Variants in GOLGA8A observed in about 807,000 individuals in gnomAD.
GOLGA8A encodes the protein golgin A8 family member A, also known as golgin subfamily A member 8A.
In GOLGA8A, 3 loss-of-function variants were observed where a neutral mutation model predicts 22.1. The observed-to-expected ratio is 0.14, with a 90% CI of 0.06 to 0.35. The LOEUF (loss-of-function observed/expected upper bound fraction) is 0.35. Ranked by LOEUF, GOLGA8A falls within the 10% of genes least tolerant of loss-of-function variation. The pLI is 1.00. For missense variants in GOLGA8A, 16 were observed against 233.2 expected, an observed-to-expected ratio of 0.07 and a Z score of 6.07; for synonymous variants, 7 against 91.7, an observed-to-expected ratio of 0.08 and a Z score of 5.28.
intron 2 of GOLGA8A, among the ~76,000 whole-genome samples, chr15:34,429,905 T>A (rs1014024996): frequency 2.7e-5 from 4 of 147,750 alleles, no homozygotes; most frequent in Non-Finnish European, 3.0e-5. Flanking sequence ...ACTATTAGAT[T>A]AAGCCACCCT....
intron 1 of GOLGA8A, among the ~76,000 whole-genome samples, chr15:34,435,990 G>A (rs1248209082): frequency 6.7e-6 from 1 of 149,294 alleles, no homozygotes; most frequent in Non-Finnish European, 1.5e-5. Context: ...CTCCAGCCCA[G>A]GCTGTGGGGG....
chr15:34,431,041 C>T (rs1430081376), intron 2 of GOLGA8A, among the ~76,000 whole-genome samples: 1 of 148,770 alleles, frequency 6.7e-6, no homozygotes, highest in Admixed American at 6.8e-5. Context: ...AATGCACACA[C>T]TTGCTTCCAG....
intron 8 of GOLGA8A, among the ~76,000 whole-genome samples, chr15:34,397,064 C>T (rs1242258876): frequency 3.1e-5 from 2 of 65,322 alleles, no homozygotes; most frequent in Non-Finnish European, 6.5e-5. Flanking sequence ...GTGATCCTCC[C>T]ACCTCAGCCT....
Position 34,435,957 on chromosome 15 carries a change from G to A in GOLGA8A, c.-1211-486C>T, listed in dbSNP as rs1037608334. On this transcript the variant is annotated intron_variant, in intron 1 of 24. Transcript: ENST00000359187. ...TGTCACCCCAGCCCTCCTGCCCCGC[G>A]GATCCTAAGCTCAGGAGACCCTCTC... is the stretch of plus-strand genomic sequence containing the variant. Among the ~76,000 whole-genome samples, 4 of 149,066 alleles carry A rather than the reference G, an allele frequency of 2.7e-5. 1 individual carries two copies. In the South Asian group the frequency reaches 6.5e-4, roughly 24 times the overall value.
intron 2 of GOLGA8A, among the ~76,000 whole-genome samples, chr15:34,432,178 C>T (rs1482823148): frequency 1.3e-5 from 2 of 149,204 alleles, no homozygotes; most frequent in African/African-American, 4.9e-5. Flanking sequence ...TCCTGGAGGG[C>T]TAGCTCCCAG....
At chr15:34,424,510 T>A (rs1336382183) in intron 2 of GOLGA8A, among the ~76,000 whole-genome samples, 2 of 146,474 alleles carry the variant, frequency 1.4e-5, no homozygotes, top group Non-Finnish European at 3.0e-5. Flanking sequence ...GTCCACAAAT[T>A]TAAAAGGCAA....
Position 34,427,339 on chromosome 15 carries a change from A to G in GOLGA8A, c.-1123+8044T>C, listed in dbSNP as rs1893028968. 1.4e-5 allele frequency among the ~76,000 whole-genome samples: 2 copies of G among 147,416 alleles called. 1 individual carries two copies. Among genetic ancestry groups the G allele is most frequent in the East Asian group, 4.0e-4 (2 of 5,054 alleles). ...GAGTGAGACTCCGTCACAAAAAAAAAAAAAAAAAAAAAATTCACCAGAAGT... is the reference window on the plus strand; with the variant it reads ...GAGTGAGACTCCGTCACAAAAAAAAGAAAAAAAAAAAAATTCACCAGAAGT... On this transcript the variant is annotated intron_variant, in intron 2 of 24. Transcript: ENST00000359187.
At chr15:34,431,333 A>ATC (rs1169013971) in intron 2 of GOLGA8A, among the ~76,000 whole-genome samples, 92 of 51,374 alleles carry the variant, frequency 1.8e-3, no homozygotes, top group Non-Finnish European at 3.2e-3. Flanking sequence ...ATATATATAT[A>ATC]TATATATATA....
At chr15:34,386,169 T>G (rs1438172727) in intron 12 of GOLGA8A, among the ~76,000 whole-genome samples, 2 of 147,784 alleles carry the variant, frequency 1.4e-5, no homozygotes, top group Admixed American at 1.3e-4. Context: ...ACAAGAGCCC[T>G]TGGCCCTGAG....
chr15:34,437,162 C>T (rs1595675881), intron 1 of GOLGA8A, among the ~76,000 whole-genome samples: 1 of 147,694 alleles, frequency 6.8e-6, no homozygotes, highest in South Asian at 2.2e-4. Context: ...GCCGCACCCG[C>T]CCGCCCATCG....
chr15:34,420,441 A>G (rs1157764206), intron 2 of GOLGA8A, among the ~76,000 whole-genome samples: 1 of 148,160 alleles, frequency 6.7e-6, no homozygotes, highest in Non-Finnish European at 1.5e-5. Flanking sequence ...TGACAGCACA[A>G]GCAGCTCAGG....
intron 2 of GOLGA8A, among the ~76,000 whole-genome samples, chr15:34,427,330 C>CA (rs67775520): frequency 0.038 from 3,002 of 78,772 alleles, 160 homozygotes; most frequent in African/African-American, 0.12. Flanking sequence ...GACTCCGTCA[C>CA]AAAAAAAAAA....
intron 11 of GOLGA8A, chr15:34,387,176 C>CT (rs1891781813): frequency 2.6e-6 from 1 of 390,592 alleles, no homozygotes; most frequent in African/African-American, 4.3e-5. Flanking sequence ...TCTCATTGTC[C>CT]TGGCTTCCCC....
At chr15:34,421,963 G>GT (rs1343540781) in intron 2 of GOLGA8A, among the ~76,000 whole-genome samples, 1 of 129,606 alleles carries the variant, frequency 7.7e-6, no homozygotes, top group Non-Finnish European at 1.7e-5. Context: ...GACAGTTAAA[G>GT]ATTTCAGAGC....
intron 2 of GOLGA8A, chr15:34,418,928 G>C (rs1211043592): frequency 7.0e-6 from 1 of 142,430 alleles, no homozygotes; most frequent in Non-Finnish European, 1.5e-5. Context: ...TTTTGAGACG[G>C]AGTCTCACTC....
chr15:34,423,310 C>T (rs1322133936), intron 2 of GOLGA8A, among the ~76,000 whole-genome samples: 2 of 121,226 alleles, frequency 1.6e-5, no homozygotes, highest in African/African-American at 6.5e-5. Context: ...CAACACCCAC[C>T]CATCAGTCCC....
intron 2 of GOLGA8A, among the ~76,000 whole-genome samples, chr15:34,434,311 CAG>C (rs1893392959): frequency 1.3e-5 from 2 of 149,656 alleles, no homozygotes; most frequent in Admixed American, 6.7e-5. Flanking sequence ...CTTGCAGACT[CAG>C]GGGTACCCCA....
At chr15:34,436,145 G>A (rs1595674698) in intron 1 of GOLGA8A, among the ~76,000 whole-genome samples, 2 of 148,942 alleles carry the variant, frequency 1.3e-5, no homozygotes, top group South Asian at 2.2e-4. Flanking sequence ...TCACTGGAGG[G>A]ACCCTGACCC....
Position 34,383,792 on chromosome 15 carries a change from CCTTTT to C in GOLGA8A, c.711_715del (p.Ile237MetfsTer27), listed in dbSNP as rs1370106404. The C allele has an allele frequency of 1.3e-4, 32 of 243,716 alleles. No individual in the cohort carries two copies. The highest frequency in any genetic ancestry group is 2.1e-4 in the Non-Finnish European group (30 of 141,704). The allele number at this position is 243,716 out of a possible 1,614,324, so 15.1% of individuals were successfully genotyped here. On this transcript the variant is annotated frameshift_variant, in exon 18 of 25. Coordinates refer to ENST00000359187, the MANE Select transcript of GOLGA8A (RefSeq NM_181077.5). LOFTEE classifies it high-confidence loss of function. ...CCTCTGCTGCCACTGGGCCCTCTCT[CCTTTT>C]ATTTGTTCAGCATATTGATCTCTCT... is the stretch of plus-strand genomic sequence containing the variant.
Sources: allele counts gnomAD v4.1 joint callset (sites outside exome capture counted in the v4.1 genomes callset), GRCh38; gene constraint gnomAD v4.1.1; transcripts MANE v1.5; gene names NCBI Gene and HGNC (gene_info 2026-07-23, HGNC 2026-07-21).